The following FSD1L variants were observed in gnomAD, a reference collection of about 807,000 sequenced individuals.
The protein encoded by FSD1L is FSD1-like protein.
Under a neutral mutation model 71.6 loss-of-function variants are expected in FSD1L, and 45 were observed. The ratio of observed to expected loss-of-function variants is 0.63; its 90% CI spans 0.49 to 0.81. The LOEUF (loss-of-function observed/expected upper bound fraction) is 0.81. FSD1L is among the 30% of genes least tolerant of loss of function. The probability of loss-of-function intolerance (pLI) is 0.00; values close to 1 mark genes in which losing one functional copy is unlikely to be tolerated. For synonymous variants in FSD1L, 197 were observed against 207.2 expected (o/e 0.95, Z 0.42); for missense variants, 561 against 618.1 (o/e 0.91, Z 0.98).
At chr9:105,490,502 T>G (rs919258744) in intron 7 of FSD1L, among the ~76,000 whole-genome samples, 4 of 151,720 alleles carry the variant, frequency 2.6e-5, no homozygotes, top group South Asian at 2.1e-4. Flanking sequence ...AGAAGCTCTT[T>G]AGTTTAATTA....
chr9:105,534,323 A>G (rs1444474464), intron 10 of FSD1L, among the ~76,000 whole-genome samples, 170 bp from the exon 11 acceptor site: 2 of 152,164 alleles, frequency 1.3e-5, no homozygotes, highest in Non-Finnish European at 2.9e-5. Context: ...TTCAGTGTTT[A>G]TAATTGACAG....
At chr9:105,512,643 C>G (rs1054440824) in intron 9 of FSD1L, among the ~76,000 whole-genome samples, 164 bp from the exon 10 acceptor site, 14 of 151,926 alleles carry the variant, frequency 9.2e-5, no homozygotes, top group African/African-American at 3.4e-4. Context: ...TAAATTATAG[C>G]CTGATTATTG....
intron 10 of FSD1L, among the ~76,000 whole-genome samples, chr9:105,533,416 C>CTTTTTTTTTTTTTTTTTTCTTTTTTTTTT (rs1836038060): frequency 3.4e-5 from 1 of 29,070 alleles, no homozygotes. Flanking sequence ...CCATTTCCAT[C>CTTTTTTTTTTTTTTTTTTCTTTTTTTTTT]TTTTTTTTTT....
chr9:105,457,383 A>G (rs1372834411), intron 1 of FSD1L, among the ~76,000 whole-genome samples: 1 of 152,180 alleles, frequency 6.6e-6, no homozygotes, highest in African/African-American at 2.4e-5. Flanking sequence ...CCAAGGTACA[A>G]TGGGAAGCTA....
intron 10 of FSD1L, chr9:105,523,466 T>C: frequency 6.2e-7 from 1 of 1,612,666 alleles, no homozygotes; most frequent in Non-Finnish European, 8.5e-7. Context: ...TGCTAGGCAT[T>C]TTGGGAGATG....
At chr9:105,479,326 C>T in intron 5 of FSD1L, 28 bp from the exon 6 acceptor site, 3 of 1,550,138 alleles carry the variant, frequency 1.9e-6, no homozygotes, top group Non-Finnish European at 1.7e-6. Flanking sequence ...AACTTGCCTT[C>T]TTTCTCTTCT....
chr9:105,524,084 A>G (rs1433607502), intron 10 of FSD1L: 21 of 1,611,458 alleles, frequency 1.3e-5, no homozygotes, highest in Non-Finnish European at 1.7e-6. Flanking sequence ...TCAAAACTGT[A>G]TTAAGCTCGG....
At chr9:105,511,116 G>C (rs898597513) in intron 9 of FSD1L, among the ~76,000 whole-genome samples, 1 of 151,678 alleles carries the variant, frequency 6.6e-6, no homozygotes, top group African/African-American at 2.4e-5. Flanking sequence ...CCTTAGGCTT[G>C]AAATCCATGC....
At chr9:105,542,670 G>C (rs1048023784) in intron 13 of FSD1L, among the ~76,000 whole-genome samples, 1 of 152,100 alleles carries the variant, frequency 6.6e-6, no homozygotes, top group Admixed American at 6.6e-5. Context: ...TGCCCAGGCT[G>C]GTCTCAAAGT....
At chr9:105,535,458 ATC>A in intron 12 of FSD1L, 140 bp downstream of exon 12, 1 of 868,364 alleles carries the variant, frequency 1.2e-6, no homozygotes. Flanking sequence ...TGCAATCATA[ATC>A]TCAATTCTAG....
rs201772086 is a variant in FSD1L, at chr9:105,484,874, G to A, written c.586+372G>A. ...ATTTTTAACATCTTTAAAATGCGAT[G>A]TTATTCTTCTAGGGTGTTTATAAGG... is the stretch of plus-strand genomic sequence containing the variant. On this transcript the variant is annotated intron_variant, in intron 7 of 13. Coordinates refer to ENST00000481272, the MANE Select transcript of FSD1L (RefSeq NM_001145313.3). 7.2e-5 allele frequency among the ~76,000 whole-genome samples: 11 copies of A among 152,050 alleles called. No homozygotes were observed. In the East Asian group the frequency reaches 1.4e-3, roughly 19 times the overall value.
chr9:105,496,585 T>A (rs961626900), intron 7 of FSD1L, among the ~76,000 whole-genome samples: 3 of 152,240 alleles, frequency 2.0e-5, no homozygotes, highest in African/African-American at 7.2e-5. Context: ...GTTTTGTAGT[T>A]TTCCTCATAT....
chr9:105,466,651 C>G (rs550890318), intron 3 of FSD1L, among the ~76,000 whole-genome samples: 1 of 151,378 alleles, frequency 6.6e-6, no homozygotes, highest in East Asian at 1.9e-4. Context: ...CGAGATCGCA[C>G]TACTGCACTC....
intron 5 of FSD1L, chr9:105,472,998 A>C (rs1831570956): frequency 6.6e-6 from 1 of 152,166 alleles, no homozygotes; most frequent in African/African-American, 2.4e-5. Flanking sequence ...CTATATTTAA[A>C]AGTACTTTAA....
At chr9:105,511,146 A>G (rs1373516699) in intron 9 of FSD1L, among the ~76,000 whole-genome samples, 1 of 152,024 alleles carries the variant, frequency 6.6e-6, no homozygotes, top group African/African-American at 2.4e-5. Context: ...TGGATGCTGC[A>G]GTATTTAATA....
At chr9:105,459,693 G>T (rs951341897) in intron 1 of FSD1L, among the ~76,000 whole-genome samples, 2 of 152,210 alleles carry the variant, frequency 1.3e-5, no homozygotes, top group Non-Finnish European at 2.9e-5. Flanking sequence ...TTTATGATCT[G>T]AATGGTTGCT....
At chr9:105,514,414 A>G (rs1438991369) in intron 10 of FSD1L, among the ~76,000 whole-genome samples, 9 of 152,184 alleles carry the variant, frequency 5.9e-5, no homozygotes, top group Admixed American at 5.9e-4. Flanking sequence ...CTTTCCATAA[A>G]TATTTGTTTG....
In FSD1L at chr9:105,448,246, GA is replaced by G; in HGVS notation, c.15+12del. On this transcript the variant is annotated intron_variant, in intron 1 of 13. Coordinates refer to ENST00000481272, the MANE Select transcript of FSD1L (RefSeq NM_001145313.3). ...ATGGACTCCCAGAAAGTAAGCGGGG[GA>G]GGGGAGCCCGGGGCTACCGAGACAA... 6.5e-7 allele frequency: 1 copy of G among 1,536,564 alleles called. No homozygotes were observed. The highest frequency in any genetic ancestry group is 1.4e-5 in the African/African-American group (1 of 70,668).
intron 6 of FSD1L, among the ~76,000 whole-genome samples, chr9:105,481,453 TTG>T (rs1169305524): frequency 1.4e-5 from 2 of 145,842 alleles, no homozygotes; most frequent in Non-Finnish European, 3.0e-5. Context: ...CCCAGCTAAT[TTG>T]TGTGTGTGTG....
Sources: allele counts gnomAD v4.1 joint callset (sites outside exome capture counted in the v4.1 genomes callset), GRCh38; gene constraint gnomAD v4.1.1; transcripts MANE v1.5; gene names NCBI Gene and HGNC (gene_info 2026-07-23, HGNC 2026-07-21).